Variants in PSD2 observed in about 807,000 individuals in gnomAD.
PSD2 encodes the protein PH and SEC7 domain-containing protein 2.
PSD2 carries 38 observed loss-of-function variants against 69.8 expected under a neutral mutation model. The observed-to-expected ratio is 0.54, with a 90% CI of 0.42 to 0.71. PSD2 has a LOEUF of 0.71. Ranked by LOEUF, PSD2 falls within the 30% of genes least tolerant of loss-of-function variation. PSD2 has a pLI of 0.00. For synonymous variants in PSD2, 412 were observed against 423.0 expected (o/e 0.97, Z 0.32); for missense variants, 943 against 1,014.5 (o/e 0.93, Z 0.96).
At chr5:139,756,339 C>T in the PSD2 span, among the ~76,000 whole-genome samples, 3 of 152,220 alleles carry the variant, frequency 2.0e-5, no homozygotes, top group African/African-American at 7.2e-5. Flanking sequence ...AAGCCGGGGC[C>T]GCGGCGCTGG....
intron 5 of PSD2, among the ~76,000 whole-genome samples, chr5:139,819,244 A>G (rs998784890): frequency 7.2e-5 from 11 of 152,216 alleles, no homozygotes; most frequent in Non-Finnish European, 8.8e-5. Context: ...TTAAGGTTGC[A>G]CTGAAGTTTG....
chr5:139,829,838 G>A (rs80298023), intron 7 of PSD2, among the ~76,000 whole-genome samples: 2,802 of 151,976 alleles, frequency 0.018, 50 homozygotes, highest in African/African-American at 0.05. Context: ...TCATATTTTG[G>A]GGGTATATAC....
chr5:139,799,344 T>C (rs1336067726), intron 1 of PSD2, among the ~76,000 whole-genome samples: 1 of 152,034 alleles, frequency 6.6e-6, no homozygotes, highest in Non-Finnish European at 1.5e-5. Flanking sequence ...TTCAGGGAGC[T>C]CAAAACTTCA....
chr5:139,750,422 TCTC>T, the PSD2 span, among the ~76,000 whole-genome samples: 1 of 152,072 alleles, frequency 6.6e-6, no homozygotes, highest in Non-Finnish European at 1.5e-5. Context: ...TGTTGCTCCC[TCTC>T]CTCCCTTTTC....
chr5:139,777,338 T>C, the PSD2 span, among the ~76,000 whole-genome samples: 1 of 152,224 alleles, frequency 6.6e-6, no homozygotes, highest in Non-Finnish European at 1.5e-5. Context: ...TGACCTCTTT[T>C]AGCTCCTTGG....
chr5:139,813,398 A>C lies in PSD2; in HGVS notation c.461A>C (p.Gln154Pro). The C allele has an allele frequency of 6.2e-7, 1 of 1,612,802 alleles. No homozygotes were observed. Among genetic ancestry groups the C allele is most frequent in the Non-Finnish European group, 8.5e-7 (1 of 1,178,912 alleles). Residue 154 changes from glutamine to proline, a missense_variant, in exon 3 of 15, where the codon CAG becomes CCG. Gln to Pro is a moderately conservative substitution (Grantham distance 76, BLOSUM62 -1). Around this residue, in one of 3 missense-constraint regions of PSD2, gnomAD observed 466 missense variants for 445.0 expected, o/e 1.05. Transcript: ENST00000274710. Reference protein sequence around the residue: ...ILESELLRGTQYSSLDSLDGL... With the variant: ...ILESELLRGTPYSSLDSLDGL... ...GAGTCAGAGCTGCTGCGGGGCACCC[A>C]GTACAGCAGCCTCGACTCCCTAGAC...
the PSD2 span, among the ~76,000 whole-genome samples, chr5:139,772,127 AGGGAGT>A: frequency 1.3e-5 from 2 of 152,082 alleles, no homozygotes; most frequent in Admixed American, 6.6e-5. Context: ...CTAGAGGCAG[AGGGAGT>A]GGGAGTGGGA....
chr5:139,766,832 T>TCTCTTTCTTTCTTTCTTTCTTTC, the PSD2 span, among the ~76,000 whole-genome samples: 1 of 47,516 alleles, frequency 2.1e-5, no homozygotes, highest in African/African-American at 6.6e-5. Flanking sequence ...CCCTTCCTTC[T>TCTCTTTCTTTCTTTCTTTCTTTC]TTCTTTCTTT....
At chr5:139,753,824 T>C in the PSD2 span, among the ~76,000 whole-genome samples, 1 of 150,642 alleles carries the variant, frequency 6.6e-6, no homozygotes, top group Non-Finnish European at 1.5e-5. Context: ...AGTTGTTTTT[T>C]TTTTTGTTTG....
At chr5:139,802,689 C>G (rs1053115575) in intron 1 of PSD2, among the ~76,000 whole-genome samples, 1 of 152,066 alleles carries the variant, frequency 6.6e-6, no homozygotes, top group Non-Finnish European at 1.5e-5. Context: ...CAGCTGTAAA[C>G]ATGATTTGAA....
chr5:139,749,833 A>AAAAC, the PSD2 span, among the ~76,000 whole-genome samples: 8 of 110,742 alleles, frequency 7.2e-5, no homozygotes, highest in East Asian at 9.1e-4. Flanking sequence ...CCATCTCTAC[A>AAAAC]AAACAAACAA....
chr5:139,832,850 G>A (rs573692985), intron 7 of PSD2, among the ~76,000 whole-genome samples: 3 of 152,288 alleles, frequency 2.0e-5, no homozygotes, highest in South Asian at 2.1e-4. Flanking sequence ...ATTAGGTGTT[G>A]GGTTTGCAGG....
intron 2 of PSD2, 28 bp downstream of exon 2, chr5:139,809,839 C>T (rs1302375963): frequency 3.1e-6 from 5 of 1,610,554 alleles, no homozygotes; most frequent in Non-Finnish European, 4.2e-6. Context: ...GATGGGAGCT[C>T]ACCACATTTG....
rs1760044322 is a variant in PSD2 at position 139,813,861 on chromosome 5, G to A, written c.821+103G>A. On this transcript the variant is annotated intron_variant, in intron 3 of 14. Transcript: ENST00000274710. ...GTGACTCAGTGTCCAGAGTCAGCAT[G>A]CCCTCTTCAAGGTCACCTGGTCTAC... 3.9e-6 allele frequency: 4 copies of A among 1,030,612 alleles called. No homozygotes were observed. The East Asian group carries it at 1.0e-4, about 26-fold the overall frequency. The allele number at this position is 1,030,612 out of a possible 1,614,324, so 63.8% of individuals were successfully genotyped here.
rs912284417 is a variant in PSD2 at position 139,840,259 on chromosome 5, C to T, written c.2112+89C>T. On this transcript the variant is annotated intron_variant, in intron 14 of 14. Coordinates refer to ENST00000274710, the MANE Select transcript of PSD2 (RefSeq NM_032289.4). The stretch of plus-strand genomic sequence containing the variant: ...TGATGTGGGACTGGGGAGGTGAAGC[C>T]TAGTGATAAAGGGGCTCATTGATGT... 1.0e-5 allele frequency: 15 copies of T among 1,457,326 alleles called. No individual in the cohort carries two copies. The Admixed American group carries it at 1.7e-4, about 16-fold the overall frequency. 90.3% of individuals were successfully genotyped at this position (1,457,326 alleles called of 1,614,324 possible). A position where few individuals can be genotyped will look rare whatever the true frequency, so the allele number is the denominator to read the frequency against.
chr5:139,774,414 G>A, the PSD2 span, among the ~76,000 whole-genome samples: 2 of 152,182 alleles, frequency 1.3e-5, no homozygotes, highest in African/African-American at 2.4e-5. Flanking sequence ...TGGGCAGGGG[G>A]AATGGGGGAA....
At position 139,837,170 on chromosome 5, in the gene PSD2, C is replaced by T. The variant is rs1024489458; in HGVS notation, c.1597C>T (p.Pro533Ser). 6.2e-7 allele frequency: 1 copy of T among 1,614,026 alleles called. No homozygotes were observed. Among genetic ancestry groups the T allele is most frequent in the Non-Finnish European group, 8.5e-7 (1 of 1,179,912 alleles). Residue 533 changes from proline to serine, a missense_variant and splice_region_variant, in exon 11 of 15, where the codon CCC becomes TCC. Coordinates refer to ENST00000274710, the MANE Select transcript of PSD2 (RefSeq NM_032289.4). The surrounding 1 kb of genome is among the most constrained non-coding windows in gnomAD (Gnocchi z 5.0). ...THADMDGKRT[P>S]RGRRGWKKFY... ...ACTACCAGTGCCCTCCTCCCCAGCG[C>T]CCCGTGGGAGGCGTGGCTGGAAGAA...
At chr5:139,792,856 GTCTT>G (rs1408400707), upstream of PSD2, among the ~76,000 whole-genome samples, 3 of 47,518 alleles carry the variant, frequency 6.3e-5, no homozygotes, top group African/African-American at 2.5e-4. Context: ...TTTTCTTTCT[GTCTT>G]TCCTTCCTTC....
At chr5:139,785,180 T>TTCTCC in the PSD2 span, among the ~76,000 whole-genome samples, 35,580 of 149,296 alleles carry the variant, frequency 0.24, 5,327 homozygotes, top group African/African-American at 0.42. Flanking sequence ...TTGTCTTCTC[T>TTCTCC]TCTCCTCTCC....
Sources: gnomAD v4.1 joint callset for allele counts (sites outside exome capture counted in the v4.1 genomes callset) on GRCh38, gnomAD v4.1.1 for gene constraint, gnomAD v4.1.1 regional missense constraint, Gnocchi (gnomAD v3.1) non-coding constraint, MANE v1.5 for transcripts, NCBI Gene and HGNC (gene_info 2026-07-23, HGNC 2026-07-21) for gene names.